SNTG1: variants seen among roughly 807,000 people sequenced by gnomAD.
SNTG1 encodes gamma-1-syntrophin.
In SNTG1, 39 loss-of-function variants were observed where a neutral mutation model predicts 74.7. The observed-to-expected ratio is 0.52, with a 90% CI of 0.40 to 0.68. The LOEUF is 0.68. Ranked by LOEUF, SNTG1 falls within the 30% of genes least tolerant of loss-of-function variation. The pLI, the probability that SNTG1 is intolerant of heterozygous loss-of-function variation, is 0.00. For missense variants in SNTG1, 685 were observed against 609.5 expected (o/e 1.12, Z -1.30); for synonymous variants, 254 against 217.1 (o/e 1.17, Z -1.49).
chr8:50,563,902 G>A (rs1438962488), intron 12 of SNTG1, among the ~76,000 whole-genome samples: 3 of 152,082 alleles, frequency 2.0e-5, no homozygotes, highest in Non-Finnish European at 4.4e-5. Flanking sequence ...GACATAGAAA[G>A]CCATTGCTTC....
At chr8:50,472,398 A>G (rs2093660563) in intron 8 of SNTG1, among the ~76,000 whole-genome samples, 1 of 152,204 alleles carries the variant, frequency 6.6e-6, no homozygotes, top group African/African-American at 2.4e-5. Context: ...ATTTTAAATA[A>G]CATTTTAAAG....
intron 2 of SNTG1, among the ~76,000 whole-genome samples, chr8:50,320,885 A>T (rs1317453286): frequency 3.3e-5 from 5 of 152,114 alleles, no homozygotes; most frequent in Non-Finnish European, 7.4e-5. Context: ...CATACATGAC[A>T]TTATTTCATT....
At chr8:49,936,982 G>A (rs1238191280) in intron 1 of SNTG1, among the ~76,000 whole-genome samples, 1 of 151,974 alleles carries the variant, frequency 6.6e-6, no homozygotes, top group African/African-American at 2.4e-5. Flanking sequence ...AACCCCGTCT[G>A]TAGTAAAAAT....
intron 1 of SNTG1, among the ~76,000 whole-genome samples, chr8:50,123,515 A>G (rs2081057838): frequency 7.0e-6 from 1 of 142,768 alleles, no homozygotes; most frequent in Non-Finnish European, 1.6e-5. Flanking sequence ...GAACATCTTT[A>G]CATTAAGAAA....
intron 2 of SNTG1, among the ~76,000 whole-genome samples, chr8:50,357,380 T>A (rs1247691327): frequency 6.6e-6 from 1 of 152,242 alleles, no homozygotes; most frequent in East Asian, 1.9e-4. Flanking sequence ...ACATTGTTTC[T>A]GCGACGTGCT....
chr8:50,110,165 A>C (rs2080527995), intron 1 of SNTG1, among the ~76,000 whole-genome samples: 1 of 152,084 alleles, frequency 6.6e-6, no homozygotes, highest in Non-Finnish European at 1.5e-5. Flanking sequence ...CCTTATCATC[A>C]TGCATCTAGT....
intron 2 of SNTG1, among the ~76,000 whole-genome samples, chr8:50,362,827 G>C (rs1011903825): frequency 1.3e-5 from 2 of 152,086 alleles, no homozygotes; most frequent in Non-Finnish European, 2.9e-5. Context: ...GCTTCACAAA[G>C]ACACATAAGA....
At chr8:50,013,470 GAT>G (rs1355297293) in intron 1 of SNTG1, among the ~76,000 whole-genome samples, 1 of 143,256 alleles carries the variant, frequency 7.0e-6, no homozygotes. Flanking sequence ...TAGAGAGATA[GAT>G]AGATAGATAG....
intron 12 of SNTG1, among the ~76,000 whole-genome samples, chr8:50,570,591 G>GTTGTTATCATTATTATTA (rs137977278): frequency 7.7e-6 from 1 of 130,162 alleles, no homozygotes; most frequent in African/African-American, 2.9e-5. Context: ...TATTATTGTT[G>GTTGTTATCATTATTATTA]TTATTATTAT....
intron 18 of SNTG1, among the ~76,000 whole-genome samples, chr8:50,780,644 C>A (rs974458355): frequency 2.0e-5 from 3 of 152,040 alleles, no homozygotes; most frequent in African/African-American, 4.8e-5. Flanking sequence ...TTGATCTTTT[C>A]AAAAAACCAG....
intron 5 of SNTG1, among the ~76,000 whole-genome samples, chr8:50,447,247 T>C (rs923236090): frequency 2.6e-5 from 4 of 152,068 alleles, no homozygotes; most frequent in Non-Finnish European, 4.4e-5. Context: ...TAATTTGCAT[T>C]AATAGTCTAT....
At chr8:49,931,370 C>A (rs1333885420) in intron 1 of SNTG1, among the ~76,000 whole-genome samples, 1 of 152,114 alleles carries the variant, frequency 6.6e-6, no homozygotes, top group Non-Finnish European at 1.5e-5. Flanking sequence ...CAGCATATTT[C>A]ATAAACAAGG....
chr8:50,636,060 A>C lies in SNTG1; in HGVS notation c.850-20849A>C, dbSNP rs540729560. Among the ~76,000 whole-genome samples the C allele has an allele frequency of 9.3e-5, 14 of 151,234 alleles. No individual in the cohort carries two copies. The South Asian group carries it at 2.9e-3, about 32-fold the overall frequency. On this transcript the variant is annotated intron_variant, in intron 13 of 18. Coordinates refer to ENST00000642720, the MANE Select transcript of SNTG1 (RefSeq NM_018967.5). ...AATGCAGCAGGTTCTCTTTTGGCCCAGAGTGTGTCTAGAAATGTCCTGGAG... is the reference window on the plus strand; with the variant it reads ...AATGCAGCAGGTTCTCTTTTGGCCCCGAGTGTGTCTAGAAATGTCCTGGAG...
intron 13 of SNTG1, among the ~76,000 whole-genome samples, chr8:50,609,169 C>G (rs867465329): frequency 1.3e-5 from 2 of 151,960 alleles, no homozygotes; most frequent in Non-Finnish European, 2.9e-5. Context: ...AAGTTACTGC[C>G]TGGCATTAGT....
intron 8 of SNTG1, among the ~76,000 whole-genome samples, chr8:50,478,570 A>G (rs1039186638): frequency 1.3e-5 from 2 of 152,160 alleles, no homozygotes; most frequent in Non-Finnish European, 2.9e-5. Flanking sequence ...CTCTTTTGCT[A>G]TAAGTTGTAA....
At chr8:50,649,266 G>A (rs75650136) in intron 13 of SNTG1, among the ~76,000 whole-genome samples, 1,554 of 152,148 alleles carry the variant, frequency 0.01, 33 homozygotes, top group African/African-American at 0.035. Flanking sequence ...AGGAGTCCGA[G>A]GTGGGTGAAT....
At chr8:50,109,331 C>A (rs1355547514) in intron 1 of SNTG1, among the ~76,000 whole-genome samples, 1 of 152,114 alleles carries the variant, frequency 6.6e-6, no homozygotes. Flanking sequence ...TTAGCAGATG[C>A]AATTCATATT....
rs145927728 is a variant in SNTG1 at position 50,625,500 on chromosome 8, T to C, written c.850-31409T>C. On this transcript the variant is annotated intron_variant, in intron 13 of 18. Transcript: ENST00000642720. The stretch of plus-strand genomic sequence containing the variant: ...CACCCTGTAGAACACCATAAATATA[T>C]ACAATTTTTGTCAACTAAAAATCAA... 4.7e-4 allele frequency among the ~76,000 whole-genome samples: 72 copies of C among 152,272 alleles called. No homozygotes were observed. In the East Asian group the frequency reaches 0.013, roughly 28 times the overall value.
At chr8:50,520,165 A>C (rs1422146506) in intron 9 of SNTG1, among the ~76,000 whole-genome samples, 1 of 152,218 alleles carries the variant, frequency 6.6e-6, no homozygotes, top group Non-Finnish European at 1.5e-5. Context: ...GTCTTTGACA[A>C]ACCTGACAAA....
Sources: gnomAD v4.1 joint callset for allele counts (sites outside exome capture counted in the v4.1 genomes callset) on GRCh38, gnomAD v4.1.1 for gene constraint, MANE v1.5 for transcripts, NCBI Gene and HGNC (gene_info 2026-07-23, HGNC 2026-07-21) for gene names.